Variants in CCDC138 observed in about 807,000 individuals in gnomAD.
CCDC138 encodes coiled-coil domain containing 138, also known as coiled-coil domain-containing protein 138.
Under a neutral mutation model 82.3 loss-of-function variants are expected in CCDC138, and 66 were observed. That is an observed-to-expected ratio of 0.80 (90% confidence interval 0.66 to 0.98). The LOEUF (loss-of-function observed/expected upper bound fraction) is 0.98, where lower values mean the gene tolerates loss of function less well. Among genes scored for constraint, CCDC138 ranks in the 50% least tolerant of loss-of-function variants. The pLI is 0.00. For missense variants in CCDC138, 816 were observed against 758.9 expected (o/e 1.08, Z -0.88); for synonymous variants, 297 against 265.4 (o/e 1.12, Z -1.16).
At chr2:108,847,222 T>A (rs568302148) in intron 12 of CCDC138, among the ~76,000 whole-genome samples, 1 of 152,326 alleles carries the variant, frequency 6.6e-6, no homozygotes, top group Admixed American at 6.5e-5. Flanking sequence ...AAATTGCTAG[T>A]TAATTATTTT....
At chr2:108,812,977 C>T (rs780330716) in intron 9 of CCDC138, 50 bp downstream of exon 9, 41 of 1,494,978 alleles carry the variant, frequency 2.7e-5, no homozygotes, top group African/African-American at 4.1e-5. Context: ...CGGCTGGGTA[C>T]GGTGGCTCAC....
intron 13 of CCDC138, among the ~76,000 whole-genome samples, chr2:108,871,918 T>C (rs1375043791): frequency 1.3e-5 from 2 of 152,184 alleles, no homozygotes; most frequent in Non-Finnish European, 2.9e-5. Flanking sequence ...GTTAATTATA[T>C]TCAGTGATCA....
intron 6 of CCDC138, among the ~76,000 whole-genome samples, chr2:108,800,917 G>C (rs1573964705): frequency 8.6e-6 from 1 of 116,738 alleles, no homozygotes; most frequent in African/African-American, 3.2e-5. Context: ...TGAGAATGAT[G>C]GTTTCCAGTT....
Position 108,861,662 on chromosome 2 carries a change from G to T in CCDC138, c.1693+4692G>T, listed in dbSNP as rs368237925. Among the ~76,000 whole-genome samples, 153 of 151,994 alleles carry T rather than the reference G, an allele frequency of 1.0e-3. 1 individual carries two copies. In the Middle Eastern group the frequency reaches 0.014, roughly 14 times the overall value. ...CACCTAGCTAATTTTTGCATTTTTA[G>T]TAGAGACAGGGTTTCACCATATTGG... On this transcript the variant is annotated intron_variant, in intron 13 of 14. Transcript: ENST00000295124.
chr2:108,822,947 TAGAAA>T (rs1558677187), intron 10 of CCDC138, among the ~76,000 whole-genome samples: 1 of 151,942 alleles, frequency 6.6e-6, no homozygotes, highest in South Asian at 2.1e-4. Flanking sequence ...TAACTCAAAT[TAGAAA>T]GGAAAGAAGG....
chr2:108,794,524 G>A lies in CCDC138; in HGVS notation c.395-16G>A, dbSNP rs545903403. 59 of 1,586,250 alleles carry A rather than the reference G, an allele frequency of 3.7e-5. 1 individual carries two copies. The South Asian group carries it at 6.3e-4, about 17-fold the overall frequency. On this transcript the variant is annotated splice_polypyrimidine_tract_variant and intron_variant, in intron 4 of 14. Transcript: ENST00000295124. ...AGTTAATAAAGTTTATAATGCAAATGTTATTTTCTTTGCAGTTGCCTTGCC... is the reference window on the plus strand; with the variant it reads ...AGTTAATAAAGTTTATAATGCAAATATTATTTTCTTTGCAGTTGCCTTGCC...
At chr2:108,848,096 C>T (rs192463549) in intron 12 of CCDC138, among the ~76,000 whole-genome samples, 52 of 152,096 alleles carry the variant, frequency 3.4e-4, no homozygotes, top group Admixed American at 5.9e-4. Flanking sequence ...CACTAAAGAT[C>T]AAATAATATT....
At chr2:108,795,302 A>G (rs1486906491) in intron 5 of CCDC138, among the ~76,000 whole-genome samples, 1 of 151,336 alleles carries the variant, frequency 6.6e-6, no homozygotes, top group Non-Finnish European at 1.5e-5. Context: ...TTACAGGTGC[A>G]CCCCATCCCG....
chr2:108,820,410 T>C (rs1685483796), intron 10 of CCDC138, among the ~76,000 whole-genome samples: 1 of 152,146 alleles, frequency 6.6e-6, no homozygotes, highest in Non-Finnish European at 1.5e-5. Flanking sequence ...GGAGAGAGCT[T>C]ATTTGTAGAA....
At chr2:108,879,362 A>G (rs1045903333), downstream of CCDC138, among the ~76,000 whole-genome samples, 17 of 152,250 alleles carry the variant, frequency 1.1e-4, no homozygotes, top group Admixed American at 9.2e-4. Context: ...AAATTTCAAC[A>G]TGAAATATTT....
chr2:108,800,342 A>G (rs1007056289), intron 6 of CCDC138, among the ~76,000 whole-genome samples: 3 of 151,980 alleles, frequency 2.0e-5, no homozygotes, highest in African/African-American at 4.8e-5. Flanking sequence ...TCGGCTCACT[A>G]CAACCTCCAC....
intron 12 of CCDC138, among the ~76,000 whole-genome samples, chr2:108,854,758 T>G (rs1174850847): frequency 6.6e-6 from 1 of 152,196 alleles, no homozygotes; most frequent in Non-Finnish European, 1.5e-5. Flanking sequence ...GGGGCCTGTT[T>G]ATAGGTGAAG....
At position 108,805,552 on chromosome 2, in the gene CCDC138, C is replaced by T. The variant is rs887946382; in HGVS notation, c.855+544C>T. On this transcript the variant is annotated intron_variant, in intron 7 of 14. Coordinates refer to ENST00000295124, the MANE Select transcript of CCDC138 (RefSeq NM_144978.3). ...CATCCTGGCTAACACAGTGAAACCC[C>T]GTCTCTACCAAAAATACAAAAAAAA... Among the ~76,000 whole-genome samples, 9 of 130,498 alleles carry T rather than the reference C, an allele frequency of 6.9e-5. No homozygotes were observed. In the South Asian group the frequency reaches 8.1e-4, roughly 12 times the overall value. The allele number at this position is 130,498 out of a possible 152,430, so 85.6% of individuals were successfully genotyped here.
intron 10 of CCDC138, among the ~76,000 whole-genome samples, chr2:108,822,549 G>A (rs148250988): frequency 4.1e-4 from 63 of 152,270 alleles, no homozygotes; most frequent in Non-Finnish European, 7.2e-4. Flanking sequence ...TAAACTACGT[G>A]TTTGGCCACA....
intron 10 of CCDC138, among the ~76,000 whole-genome samples, chr2:108,830,365 T>G (rs1400815031): frequency 6.6e-6 from 1 of 152,224 alleles, no homozygotes. Flanking sequence ...TGATTACACT[T>G]AATGCCATTG....
At chr2:108,789,126 A>G (rs1212526530) in intron 3 of CCDC138, among the ~76,000 whole-genome samples, 160 bp downstream of exon 3, 1 of 152,260 alleles carries the variant, frequency 6.6e-6, no homozygotes, top group Non-Finnish European at 1.5e-5. Flanking sequence ...CGAGTCACTT[A>G]TTAATTTTTA....
At chr2:108,791,935 G>T in intron 4 of CCDC138, 133 bp downstream of exon 4, 1 of 898,986 alleles carries the variant, frequency 1.1e-6, no homozygotes. Flanking sequence ...CTGTAAGCTA[G>T]GAGATAGTTA....
Position 108,788,867 on chromosome 2 carries a change from A to G in CCDC138, c.167A>G (p.Tyr56Cys). The G allele has an allele frequency of 1.2e-6, 2 of 1,613,808 alleles. No individual in the cohort carries two copies. Among genetic ancestry groups the G allele is most frequent in the Non-Finnish European group, 1.7e-6 (2 of 1,179,708 alleles). ...TCGTTGACAGGTGATTTGGATATCT[A>G]CTCTGGAGATAAAGTTGGTTCATCG... ...TLTSPGDLDI[Y>C]SGDKVGSSLK... is the part of the protein sequence containing the mutation. Residue 56 changes from tyrosine (Y) to cysteine (C), a missense_variant, in exon 3 of 15, where the codon TAC becomes TGC. Physicochemically the swap from Tyr to Cys is radical, Grantham distance 194. Coordinates refer to ENST00000295124, the MANE Select transcript of CCDC138 (RefSeq NM_144978.3).
At chr2:108,820,562 A>G (rs2150031049) in intron 10 of CCDC138, among the ~76,000 whole-genome samples, 1 of 152,322 alleles carries the variant, frequency 6.6e-6, no homozygotes, top group East Asian at 1.9e-4. Flanking sequence ...TGTCAAAAGT[A>G]AAATACAAAG....
Sources: gnomAD v4.1 joint callset for allele counts (sites outside exome capture counted in the v4.1 genomes callset) on GRCh38, gnomAD v4.1.1 for gene constraint, MANE v1.5 for transcripts, NCBI Gene and HGNC (gene_info 2026-07-23, HGNC 2026-07-21) for gene names.